The following PTPRZ1 variants were observed in gnomAD, a reference collection of about 807,000 sequenced individuals.
The protein encoded by PTPRZ1 is receptor-type tyrosine-protein phosphatase zeta.
PTPRZ1 carries 82 observed loss-of-function variants against 214.1 expected under a neutral mutation model. The observed-to-expected ratio is 0.38, with a 90% CI of 0.32 to 0.46. The LOEUF (loss-of-function observed/expected upper bound fraction) is 0.46, where lower values mean the gene tolerates loss of function less well. Among genes scored for constraint, PTPRZ1 ranks in the 20% least tolerant of loss-of-function variants. The pLI, the probability that PTPRZ1 is intolerant of heterozygous loss-of-function variation, is 1.00. For missense variants in PTPRZ1, 2,603 were observed against 2,748.7 expected, an observed-to-expected ratio of 0.95 and a Z score of 1.19; for synonymous variants, 945 against 987.9, an observed-to-expected ratio of 0.96 and a Z score of 0.81.
intron 2 of PTPRZ1, among the ~76,000 whole-genome samples, chr7:121,952,425 G>T (rs186167705): frequency 3.4e-4 from 51 of 151,956 alleles, no homozygotes; most frequent in African/African-American, 1.1e-3. Context: ...ATCTACAAAA[G>T]AATTTTAAAA....
At position 121,983,789 on chromosome 7, in the gene PTPRZ1, T is replaced by A; in HGVS notation, c.744T>A (p.Val248=). Reference sequence around the variant, plus strand: ...GCACAGACACAGTTGACTGGATTGTTTTTAAAGATACAGTTAGCATCTCTG... The same window carrying A: ...GCACAGACACAGTTGACTGGATTGTATTTAAAGATACAGTTAGCATCTCTG... ...PPCTDTVDWI[V]FKDTVSISES... is the part of the protein sequence containing the mutation. The change falls in exon 7 of 30, where the codon GTT becomes GTA. Residue 248 remains valine, a synonymous_variant. Transcript: ENST00000393386. 1 of 1,613,440 alleles carries A rather than the reference T, an allele frequency of 6.2e-7. No individual in the cohort carries two copies. Among genetic ancestry groups the A allele is most frequent in the Non-Finnish European group, 8.5e-7 (1 of 1,179,904 alleles).
intron 17 of PTPRZ1, 79 bp from the exon 18 acceptor site, chr7:122,036,521 A>G (rs1799541656): frequency 1.0e-6 from 1 of 968,036 alleles, no homozygotes; most frequent in African/African-American, 1.7e-5. Context: ...AATGAAATAA[A>G]TTATTATGCA....
intron 1 of PTPRZ1, among the ~76,000 whole-genome samples, chr7:121,922,032 A>G (rs1407658812): frequency 1.3e-5 from 2 of 152,218 alleles, no homozygotes; most frequent in Non-Finnish European, 2.9e-5. Flanking sequence ...ATTGAATGAC[A>G]GGAAGATCCA....
chr7:121,974,800 T>A (rs1431330568), intron 4 of PTPRZ1, among the ~76,000 whole-genome samples: 1 of 152,158 alleles, frequency 6.6e-6, no homozygotes, highest in Non-Finnish European at 1.5e-5. Flanking sequence ...CTTTGTTGTT[T>A]TAAAACACTC....
intron 24 of PTPRZ1, 127 bp downstream of exon 24, chr7:122,051,648 T>C: frequency 1.1e-6 from 1 of 871,594 alleles, no homozygotes; most frequent in Non-Finnish European, 1.8e-6. Flanking sequence ...TTTTGTCCAA[T>C]ATGTAACTGT....
chr7:122,017,080 C>T (rs1798864819), intron 12 of PTPRZ1, among the ~76,000 whole-genome samples: 1 of 152,074 alleles, frequency 6.6e-6, no homozygotes, highest in Non-Finnish European at 1.5e-5. Flanking sequence ...ATATTAACCA[C>T]CATTTGTACT....
intron 13 of PTPRZ1, among the ~76,000 whole-genome samples, chr7:122,027,427 A>C (rs1428280201): frequency 6.6e-6 from 1 of 152,224 alleles, no homozygotes; most frequent in African/African-American, 2.4e-5. Flanking sequence ...CAAGAATTTT[A>C]TCTAAAGGAA....
At chr7:122,054,816 A>G (rs1792300406) in intron 26 of PTPRZ1, 125 bp from the exon 27 acceptor site, 1 of 929,422 alleles carries the variant, frequency 1.1e-6, no homozygotes, top group Admixed American at 3.0e-5. Flanking sequence ...TTAAGAGTAA[A>G]TATTCAGATT....
At chr7:121,942,936 T>A (rs909934095) in intron 2 of PTPRZ1, among the ~76,000 whole-genome samples, 1 of 152,250 alleles carries the variant, frequency 6.6e-6, no homozygotes, top group African/African-American at 2.4e-5. Flanking sequence ...GCAAGTTTTT[T>A]AACCATATTT....
intron 1 of PTPRZ1, among the ~76,000 whole-genome samples, chr7:121,891,687 C>T (rs979967205): frequency 5.9e-5 from 9 of 151,806 alleles, no homozygotes; most frequent in Admixed American, 6.6e-5. Flanking sequence ...ATTCTTTCTT[C>T]ATCTTGTTTG....
In PTPRZ1 at chr7:121,997,920, T is replaced by A; in HGVS notation, c.1154T>A (p.Val385Asp). 2 of 1,610,868 alleles carry A rather than the reference T, an allele frequency of 1.2e-6. No homozygotes were observed. The highest frequency in any genetic ancestry group is 1.7e-6 in the Non-Finnish European group (2 of 1,177,452). The change falls in exon 10 of 30, where the codon GTT (valine) becomes GAT (aspartate). Residue 385 changes from valine to aspartate, a missense_variant. This residue lies in a region of PTPRZ1 where 244 missense variants were observed against 333.2 expected (regional missense o/e 0.73). Coordinates refer to ENST00000393386, the MANE Select transcript of PTPRZ1 (RefSeq NM_002851.3). ...LNNLLPNMSY[V>D]LQIVAICTNG... ...AATTTGCTACCCAATATGAGTTATG[T>A]TCTTCAGATAGTAGCCATATGCACT... is the stretch of plus-strand genomic sequence containing the variant.
chr7:121,970,836 G>T (rs538836500), intron 3 of PTPRZ1, among the ~76,000 whole-genome samples: 1 of 152,274 alleles, frequency 6.6e-6, no homozygotes, highest in South Asian at 2.1e-4. Context: ...TTTGGCTTTT[G>T]TTACCATTGC....
At chr7:121,986,659 A>G (rs1797770233) in intron 8 of PTPRZ1, among the ~76,000 whole-genome samples, 3 of 152,292 alleles carry the variant, frequency 2.0e-5, no homozygotes, top group East Asian at 3.9e-4. Context: ...CTGCAATACT[A>G]TTATGACTGC....
Position 121,976,207 on chromosome 7 carries a change from C to T in PTPRZ1, c.491C>T (p.Ser164Leu), listed in dbSNP as rs1797429012. 1 of 1,608,888 alleles carries T rather than the reference C, an allele frequency of 6.2e-7. No individual in the cohort carries two copies. The change falls in exon 5 of 30, where the codon TCA becomes TTA. Residue 164 changes from serine (S) to leucine (L), a missense_variant. Ser to Leu is a moderately radical substitution (Grantham distance 145). Coordinates refer to ENST00000393386, the MANE Select transcript of PTPRZ1 (RefSeq NM_002851.3). ...QIYCFDADRF[S>L]SFEEAVKGKG... ...TACTGCTTTGATGCGGACCGATTTT[C>T]AAGTTTTGAGGAAGCAGTCAAAGGA... is the stretch of plus-strand genomic sequence containing the variant.
intron 11 of PTPRZ1, 90 bp from the exon 12 acceptor site, chr7:122,010,244 C>A: frequency 7.8e-7 from 1 of 1,284,362 alleles, no homozygotes. Flanking sequence ...TCCCAAGATA[C>A]CACAAGTGAT....
chr7:122,027,162 G>A (rs545104840), intron 13 of PTPRZ1, among the ~76,000 whole-genome samples: 97 of 152,292 alleles, frequency 6.4e-4, no homozygotes, highest in African/African-American at 2.0e-3. Context: ...CGGCATTTGG[G>A]CCAATGCAAA....
At chr7:121,986,332 C>T (rs1408920436) in intron 8 of PTPRZ1, among the ~76,000 whole-genome samples, 1 of 152,118 alleles carries the variant, frequency 6.6e-6, no homozygotes, top group Non-Finnish European at 1.5e-5. Flanking sequence ...CCCAAGTCTC[C>T]CTGAATCTAA....
chr7:122,035,216 C>T (rs879566816), intron 17 of PTPRZ1, among the ~76,000 whole-genome samples: 1 of 152,164 alleles, frequency 6.6e-6, no homozygotes, highest in Non-Finnish European at 1.5e-5. Context: ...GTTCTGAAAG[C>T]CAATGGAGCT....
intron 1 of PTPRZ1, among the ~76,000 whole-genome samples, chr7:121,911,186 A>G (rs1466243740): frequency 6.6e-6 from 1 of 152,156 alleles, no homozygotes; most frequent in Non-Finnish European, 1.5e-5. Context: ...GCTTTCTTCT[A>G]TTAAAAACAT....
Sources: gnomAD v4.1 joint callset for allele counts (sites outside exome capture counted in the v4.1 genomes callset) on GRCh38, gnomAD v4.1.1 for gene constraint, gnomAD v4.1.1 regional missense constraint, MANE v1.5 for transcripts, NCBI Gene and HGNC (gene_info 2026-07-23, HGNC 2026-07-21) for gene names.